Variants in RHOBTB3 observed in about 807,000 individuals in gnomAD.
RHOBTB3 encodes rho-related BTB domain-containing protein 3.
Under a neutral mutation model 67.2 loss-of-function variants are expected in RHOBTB3, and 47 were observed. The ratio of observed to expected loss-of-function variants is 0.70; its 90% CI spans 0.55 to 0.89. The LOEUF (loss-of-function observed/expected upper bound fraction) is 0.89. RHOBTB3 is among the 40% of genes least tolerant of loss of function. The probability of loss-of-function intolerance (pLI) is 0.00; values close to 1 mark genes in which losing one functional copy is unlikely to be tolerated. For synonymous variants in RHOBTB3, 273 were observed against 274.2 expected (o/e 1.00, Z 0.04); for missense variants, 631 against 750.0 (o/e 0.84, Z 1.85).
intron 3 of RHOBTB3, among the ~76,000 whole-genome samples, chr5:95,747,415 TCCC>T (rs1744953949): frequency 6.6e-6 from 1 of 152,158 alleles, no homozygotes; most frequent in African/African-American, 2.4e-5. Context: ...AGAGTCTGCC[TCCC>T]CACGGGAAGC....
intron 10 of RHOBTB3, among the ~76,000 whole-genome samples, chr5:95,788,062 T>A (rs1424371161): frequency 1.3e-5 from 2 of 152,280 alleles, no homozygotes; most frequent in African/African-American, 4.8e-5. Flanking sequence ...TCTATACTCA[T>A]GTGCCAAAGT....
intron 1 of RHOBTB3, among the ~76,000 whole-genome samples, chr5:95,721,691 A>AT (rs1754884551): frequency 8.4e-6 from 1 of 119,638 alleles, no homozygotes; most frequent in African/African-American, 2.9e-5. Flanking sequence ...TACTGAGAGC[A>AT]TTAAAAAAAA....
intron 11 of RHOBTB3, among the ~76,000 whole-genome samples, chr5:95,790,182 CAGTT>C (rs1746338675): frequency 1.3e-5 from 2 of 152,260 alleles, no homozygotes; most frequent in Non-Finnish European, 1.5e-5. Flanking sequence ...AACAAAACAA[CAGTT>C]ATTTATTAGC....
At chr5:95,721,053 T>C (rs1050404815) in intron 1 of RHOBTB3, among the ~76,000 whole-genome samples, 1 of 152,240 alleles carries the variant, frequency 6.6e-6, no homozygotes, top group Non-Finnish European at 1.5e-5. Flanking sequence ...TACCCGGTGG[T>C]AATTAATCCT....
At chr5:95,758,786 T>C (rs1352903464) in intron 6 of RHOBTB3, among the ~76,000 whole-genome samples, 1 of 152,074 alleles carries the variant, frequency 6.6e-6, no homozygotes, top group Non-Finnish European at 1.5e-5. Flanking sequence ...TTACCTGGAG[T>C]GGGGCATGAG....
At chr5:95,788,364 T>C (rs768220106) in intron 10 of RHOBTB3, among the ~76,000 whole-genome samples, 7 of 152,258 alleles carry the variant, frequency 4.6e-5, no homozygotes, top group Non-Finnish European at 1.0e-4. Context: ...TTTGGCTTGC[T>C]CCTCAGGTGA....
upstream of RHOBTB3, among the ~76,000 whole-genome samples, chr5:95,730,284 T>C (rs1755182995): frequency 6.6e-6 from 1 of 152,160 alleles, no homozygotes; most frequent in Non-Finnish European, 1.5e-5. Flanking sequence ...AGTCCAATTT[T>C]ACAGAAGGGA....
At chr5:95,732,153 C>T in intron 2 of RHOBTB3, 69 bp downstream of exon 2, 1 of 1,376,834 alleles carries the variant, frequency 7.3e-7, no homozygotes, top group Non-Finnish European at 1.0e-6. Flanking sequence ...CCCCCTCCCC[C>T]TTCTGCCCAC....
chr5:95,766,078 A>G (rs915428456), intron 7 of RHOBTB3, among the ~76,000 whole-genome samples: 5 of 151,968 alleles, frequency 3.3e-5, no homozygotes, highest in Admixed American at 2.6e-4. Flanking sequence ...GAATGACTTT[A>G]TAGGACCAGG....
chr5:95,727,380 G>A (rs145140211), upstream of RHOBTB3, among the ~76,000 whole-genome samples: 147 of 152,222 alleles, frequency 9.7e-4, no homozygotes, highest in Middle Eastern at 0.01. Context: ...GAACCAACAC[G>A]TTTTTCAAAA....
chr5:95,779,953 T>C, intron 8 of RHOBTB3: 2 of 345,722 alleles, frequency 5.8e-6, no homozygotes, highest in Non-Finnish European at 1.1e-5. Flanking sequence ...TGTTTCATTA[T>C]AAAAATATGA....
chr5:95,728,658 T>C (rs1755127921), upstream of RHOBTB3, among the ~76,000 whole-genome samples: 1 of 152,180 alleles, frequency 6.6e-6, no homozygotes, highest in Non-Finnish European at 1.5e-5. Context: ...CTAATTAATA[T>C]GTCAGAGGGG....
At chr5:95,728,554 C>G (rs1193382431), upstream of RHOBTB3, among the ~76,000 whole-genome samples, 4 of 152,180 alleles carry the variant, frequency 2.6e-5, no homozygotes, top group Non-Finnish European at 1.5e-5. Context: ...CTTTTACTGA[C>G]TGCCTTTGTA....
chr5:95,783,006 T>C (rs1254163023), intron 9 of RHOBTB3, among the ~76,000 whole-genome samples: 3 of 151,746 alleles, frequency 2.0e-5, no homozygotes, highest in Non-Finnish European at 4.4e-5. Flanking sequence ...AGGGCAATTA[T>C]AGAATCACCT....
intron 4 of RHOBTB3, among the ~76,000 whole-genome samples, chr5:95,748,817 G>A (rs995752808): frequency 1.3e-5 from 2 of 152,142 alleles, no homozygotes; most frequent in African/African-American, 4.8e-5. Context: ...AGCTGAATGA[G>A]CCTGGCAGCC....
At chr5:95,780,101 T>C in intron 8 of RHOBTB3, 151 bp from the exon 9 acceptor site, 1 of 551,660 alleles carries the variant, frequency 1.8e-6, no homozygotes, top group Non-Finnish European at 3.2e-6. Context: ...TTAAGAAGTT[T>C]CTGGATTAAT....
At chr5:95,760,943 A>G (rs752688421) in intron 6 of RHOBTB3, among the ~76,000 whole-genome samples, 6 of 152,218 alleles carry the variant, frequency 3.9e-5, no homozygotes, top group African/African-American at 1.2e-4. Flanking sequence ...AATGTTTCTA[A>G]TTATGAAAAC....
chr5:95,783,804 A>G lies in RHOBTB3; in HGVS notation c.1464A>G (p.Ile488Met), dbSNP rs751794670. The change falls in exon 10 of 12, where the codon ATA (isoleucine) becomes ATG (methionine). Residue 488 changes from isoleucine to methionine, a missense_variant. Coordinates refer to ENST00000379982, the MANE Select transcript of RHOBTB3 (RefSeq NM_014899.4). ...TGTCCCTTTTCTCATCAGCTGGCAT[A>G]TTCCAGGCCATGTGTCTCCTGATCT... The part of the protein sequence containing the change: ...LYTDSCCPAG[I>M]FQAMCLLICA... 2 of 1,609,178 alleles carry G rather than the reference A, an allele frequency of 1.2e-6. No homozygotes were observed. The highest frequency in any genetic ancestry group is 2.2e-5 in the East Asian group (1 of 44,758).
Position 95,755,458 on chromosome 5 carries a change from T to C in RHOBTB3, c.745T>C (p.Phe249Leu). The C allele has an allele frequency of 6.2e-7, 1 of 1,613,426 alleles. No individual in the cohort carries two copies. The highest frequency in any genetic ancestry group is 1.7e-4 in the Middle Eastern group (1 of 6,054). ...TAACTCTGACTTAAATAACTTGCTGTTCTGCTGCCAGTGTGTGGACGTGGT... is the reference window on the plus strand; with the variant it reads ...TAACTCTGACTTAAATAACTTGCTGCTCTGCTGCCAGTGTGTGGACGTGGT... ...HYNSDLNNLLFCCQCVDVVFY... is the reference protein window; with the variant it reads ...HYNSDLNNLLLCCQCVDVVFY... The change falls in exon 6 of 12, where the codon TTC becomes CTC. Residue 249 changes from phenylalanine (F) to leucine (L), a missense_variant. Physicochemically the swap from Phe to Leu is conservative, Grantham distance 22 (BLOSUM62 0). Coordinates refer to ENST00000379982, the MANE Select transcript of RHOBTB3 (RefSeq NM_014899.4).
Sources: allele counts gnomAD v4.1 joint callset (sites outside exome capture counted in the v4.1 genomes callset), GRCh38; gene constraint gnomAD v4.1.1; transcripts MANE v1.5; gene names NCBI Gene and HGNC (gene_info 2026-07-23, HGNC 2026-07-21).